The following MAP4K3 variants were observed in gnomAD, a reference collection of about 807,000 sequenced individuals.
The protein encoded by MAP4K3 is MAPK/ERK kinase kinase kinase 3.
In MAP4K3, 94 loss-of-function variants were observed where a neutral mutation model predicts 143.5. The observed-to-expected ratio is 0.65, with a 90% CI of 0.55 to 0.78. The LOEUF (loss-of-function observed/expected upper bound fraction) is 0.78, where lower values mean the gene tolerates loss of function less well. Ranked by LOEUF, MAP4K3 falls within the 30% of genes least tolerant of loss-of-function variation. The pLI, the probability that MAP4K3 is intolerant of heterozygous loss-of-function variation, is 0.00. For missense variants in MAP4K3, 1,077 were observed against 1,068.1 expected, an observed-to-expected ratio of 1.01 and a Z score of -0.12; for synonymous variants, 416 against 347.2, an observed-to-expected ratio of 1.20 and a Z score of -2.20.
chr2:39,294,576 T>C (rs77468620), intron 16 of MAP4K3, among the ~76,000 whole-genome samples: 7,072 of 152,298 alleles, frequency 0.046, 181 homozygotes, highest in South Asian at 0.057. Flanking sequence ...ATCTGAATCC[T>C]GCCTTCACCA....
chr2:39,364,995 T>C (rs1260098148), intron 2 of MAP4K3, among the ~76,000 whole-genome samples: 1 of 152,146 alleles, frequency 6.6e-6, no homozygotes, highest in Non-Finnish European at 1.5e-5. Flanking sequence ...AATTCTCTCC[T>C]GGATCAGGAA....
At chr2:39,320,130 A>C (rs1051709017) in intron 12 of MAP4K3, among the ~76,000 whole-genome samples, 1 of 152,184 alleles carries the variant, frequency 6.6e-6, no homozygotes, top group Non-Finnish European at 1.5e-5. Flanking sequence ...TTAGGAAATA[A>C]TGTTTTAGCT....
intron 20 of MAP4K3, among the ~76,000 whole-genome samples, chr2:39,287,807 T>C (rs1167290136): frequency 6.6e-6 from 1 of 152,206 alleles, no homozygotes; most frequent in Admixed American, 6.5e-5. Context: ...AAAACACATT[T>C]TCCATGTTTG....
intron 16 of MAP4K3, among the ~76,000 whole-genome samples, chr2:39,298,191 T>A (rs1682359767): frequency 6.6e-6 from 1 of 152,150 alleles, no homozygotes; most frequent in Non-Finnish European, 1.5e-5. Context: ...TTTTTTTTAT[T>A]TGCGAATCCA....
At chr2:39,321,533 C>A (rs1048922211) in intron 12 of MAP4K3, among the ~76,000 whole-genome samples, 1 of 152,078 alleles carries the variant, frequency 6.6e-6, no homozygotes, top group African/African-American at 2.4e-5. Context: ...TGAAATATGG[C>A]CTCGTGGGAA....
intron 4 of MAP4K3, among the ~76,000 whole-genome samples, chr2:39,338,729 G>A (rs1665054527): frequency 6.6e-6 from 1 of 152,194 alleles, no homozygotes; most frequent in African/African-American, 2.4e-5. Context: ...TAGGTCATGA[G>A]TGCTCCTCCC....
chr2:39,350,470 T>C (rs570915076), intron 3 of MAP4K3, among the ~76,000 whole-genome samples: 1 of 152,322 alleles, frequency 6.6e-6, no homozygotes, highest in African/African-American at 2.4e-5. Context: ...AGTTCCCTTT[T>C]TTAAAAGCAA....
chr2:39,293,202 G>C (rs1168427013), intron 17 of MAP4K3, 28 bp downstream of exon 17: 2 of 1,473,594 alleles, frequency 1.4e-6, no homozygotes, highest in Admixed American at 2.0e-5. Context: ...GTGACATAAA[G>C]TACTTTAAGA....
intron 15 of MAP4K3, among the ~76,000 whole-genome samples, chr2:39,301,941 T>G (rs1342515609): frequency 6.6e-6 from 1 of 151,878 alleles, no homozygotes; most frequent in Non-Finnish European, 1.5e-5. Flanking sequence ...GGAGAATCGC[T>G]TGAACCCGGG....
chr2:39,291,711 A>T (rs1179572234), intron 18 of MAP4K3, among the ~76,000 whole-genome samples: 1 of 151,956 alleles, frequency 6.6e-6, no homozygotes, highest in Non-Finnish European at 1.5e-5. Flanking sequence ...CATGGTGGAA[A>T]CCCATCTCTA....
chr2:39,386,730 C>A lies in MAP4K3; in HGVS notation c.97-8607G>T, dbSNP rs181236158. On this transcript the variant is annotated intron_variant, in intron 1 of 33. Coordinates refer to ENST00000263881, the MANE Select transcript of MAP4K3 (RefSeq NM_003618.4). ...ATATTTGTGTGGATCTATTTCTGGA[C>A]CCCATGTTGATCTATATTGATCTAG... Among the ~76,000 whole-genome samples, 12 of 152,080 alleles carry A rather than the reference C, an allele frequency of 7.9e-5. No individual in the cohort carries two copies. The East Asian group carries it at 2.1e-3, about 27-fold the overall frequency.
intron 4 of MAP4K3, among the ~76,000 whole-genome samples, 171 bp from the exon 5 acceptor site, chr2:39,337,752 GTTTTTTTT>G (rs570853243): frequency 5.7e-5 from 4 of 70,512 alleles, no homozygotes; most frequent in Non-Finnish European, 7.1e-5. Flanking sequence ...CCTGGCTCCA[GTTTTTTTT>G]TTTTTTTTTT....
intron 23 of MAP4K3, among the ~76,000 whole-genome samples, chr2:39,278,784 T>C (rs115558885): frequency 0.013 from 2,030 of 152,278 alleles, 43 homozygotes; most frequent in African/African-American, 0.047. Context: ...CAGCTCCTTT[T>C]TCTAAAACCC....
At chr2:39,278,308 A>G in intron 24 of MAP4K3, 99 bp downstream of exon 24, 1 of 642,164 alleles carries the variant, frequency 1.6e-6, no homozygotes, top group South Asian at 2.6e-5. Context: ...AAAGAATAAA[A>G]GAGGCAGCAA....
At chr2:39,350,962 A>G (rs902725797) in intron 3 of MAP4K3, among the ~76,000 whole-genome samples, 6 of 152,218 alleles carry the variant, frequency 3.9e-5, no homozygotes, top group African/African-American at 1.4e-4. Context: ...GGAAAAAATA[A>G]AAATAATACA....
chr2:39,303,868 A>AT (rs1682599644), intron 15 of MAP4K3, among the ~76,000 whole-genome samples: 2 of 152,294 alleles, frequency 1.3e-5, no homozygotes, highest in South Asian at 4.1e-4. Context: ...TTAACTTTCA[A>AT]TTTTTTGTTT....
intron 15 of MAP4K3, among the ~76,000 whole-genome samples, chr2:39,303,913 C>G (rs1011204197): frequency 6.6e-6 from 1 of 151,456 alleles, no homozygotes; most frequent in African/African-American, 2.4e-5. Context: ...GCCAGTAAAA[C>G]TATGCAAATT....
chr2:39,341,931 T>A (rs1394969162), intron 4 of MAP4K3, among the ~76,000 whole-genome samples: 1 of 151,930 alleles, frequency 6.6e-6, no homozygotes, highest in Non-Finnish European at 1.5e-5. Context: ...ATTAAAAGTA[T>A]CCTTAAAAAG....
chr2:39,428,382 A>G (rs901091839), intron 1 of MAP4K3, among the ~76,000 whole-genome samples: 6 of 152,234 alleles, frequency 3.9e-5, no homozygotes, highest in African/African-American at 1.4e-4. Flanking sequence ...GGTATTTGTT[A>G]TAATCTTTGG....
Sources: gnomAD v4.1 joint callset for allele counts (sites outside exome capture counted in the v4.1 genomes callset) on GRCh38, gnomAD v4.1.1 for gene constraint, MANE v1.5 for transcripts, NCBI Gene and HGNC (gene_info 2026-07-23, HGNC 2026-07-21) for gene names.